Variants in CYP4Z1 observed in about 807,000 individuals in gnomAD.
The protein encoded by CYP4Z1 is cytochrome P450 family 4 subfamily Z member 1, also known as cytochrome P450 4Z1.
Under a neutral mutation model 54.2 loss-of-function variants are expected in CYP4Z1, and 41 were observed. That is an observed-to-expected ratio of 0.76 (90% confidence interval 0.59 to 0.98). CYP4Z1 has a LOEUF of 0.98. Ranked by LOEUF, CYP4Z1 falls within the 50% of genes least tolerant of loss-of-function variation. The probability of loss-of-function intolerance (pLI) is 0.00; values close to 1 mark genes in which losing one functional copy is unlikely to be tolerated. For missense variants in CYP4Z1, 513 were observed against 599.0 expected (o/e 0.86, Z 1.50); for synonymous variants, 163 against 206.2 (o/e 0.79, Z 1.79).
chr1:47,097,352 G>A (rs956969188), intron 7 of CYP4Z1, among the ~76,000 whole-genome samples: 2 of 152,138 alleles, frequency 1.3e-5, no homozygotes, highest in African/African-American at 4.8e-5. Context: ...TGGGTCAAAT[G>A]CTATTGCTTT....
chr1:47,097,808 C>G lies in CYP4Z1; in HGVS notation c.877-1286C>G, dbSNP rs147253102. On this transcript the variant is annotated intron_variant, in intron 7 of 11. Coordinates refer to ENST00000334194, the MANE Select transcript of CYP4Z1 (RefSeq NM_178134.3). ...TGTCTTGGCTATTCAGGCTCTTTTT[C>G]AGTTCCATATGATTTTTTTTTTTTT... 4.9e-3 allele frequency among the ~76,000 whole-genome samples: 715 copies of G among 145,746 alleles called. 7 individuals are homozygous for G. The highest frequency in any genetic ancestry group is 0.017 in the African/African-American group (670 of 39,172).
intron 8 of CYP4Z1, among the ~76,000 whole-genome samples, chr1:47,103,025 C>CT (rs1390481080): frequency 5.3e-5 from 8 of 151,736 alleles, no homozygotes; most frequent in Admixed American, 3.9e-4. Context: ...CTTTTTTATT[C>CT]TTTTTTTAAA....
chr1:47,085,097 G>A, intron 6 of CYP4Z1, 119 bp downstream of exon 6: 1 of 594,100 alleles, frequency 1.7e-6, no homozygotes, highest in East Asian at 2.8e-5. Flanking sequence ...ATTCAGAAAT[G>A]CTAATTTGTA....
chr1:47,109,312 G>C (rs80328485), intron 9 of CYP4Z1, among the ~76,000 whole-genome samples: 1 of 152,090 alleles, frequency 6.6e-6, no homozygotes, highest in Non-Finnish European at 1.5e-5. Flanking sequence ...GTTTTAAAAG[G>C]CAATGAGAGG....
At position 47,117,815 on chromosome 1, in the gene CYP4Z1, G is replaced by A. The variant is rs748233968; in HGVS notation, c.1399G>A (p.Ala467Thr). ...CATAATTGAGTGTAAAGTGGCAGTG[G>A]CATTAACTCTGCTCCGCTTCAAGCT... The part of the protein sequence containing the change: ...FAIIECKVAV[A>T]LTLLRFKLAP... Residue 467 changes from alanine to threonine, a missense_variant, in exon 12 of 12, where the codon GCA (alanine) becomes ACA (threonine). Physicochemically the swap from Ala to Thr is moderately conservative, Grantham distance 58. Transcript: ENST00000334194. The A allele has an allele frequency of 2.1e-5, 34 of 1,613,548 alleles. No homozygotes were observed. The highest frequency in any genetic ancestry group is 1.6e-4 in the Middle Eastern group (1 of 6,076).
At chr1:47,115,686 G>A (rs1213001700) in intron 10 of CYP4Z1, 93 bp downstream of exon 10, 12 of 1,210,682 alleles carry the variant, frequency 9.9e-6, no homozygotes, top group African/African-American at 4.6e-5. Flanking sequence ...TTAGGATAAC[G>A]ATCTGTCATT....
At chr1:47,086,264 GCCACACTGTCTT>G (rs1490411710) in intron 6 of CYP4Z1, among the ~76,000 whole-genome samples, 1 of 151,898 alleles carries the variant, frequency 6.6e-6, no homozygotes, top group African/African-American at 2.4e-5. Context: ...TTGAGGAATC[GCCACACTGTCTT>G]CCACAATGGA....
At position 47,115,514 on chromosome 1, in the gene CYP4Z1, C is replaced by A. The variant is rs1426166599; in HGVS notation, c.1202-15C>A. 1 of 1,607,468 alleles carries A rather than the reference C, an allele frequency of 6.2e-7. No homozygotes were observed. Among genetic ancestry groups the A allele is most frequent in the East Asian group, 2.2e-5 (1 of 44,718 alleles). On this transcript the variant is annotated splice_polypyrimidine_tract_variant and intron_variant, in intron 9 of 11. Coordinates refer to ENST00000334194, the MANE Select transcript of CYP4Z1 (RefSeq NM_178134.3). The stretch of plus-strand genomic sequence containing the variant: ...TCGCTCATGCACTTACCTGCTTTTT[C>A]TTCTGTTTACTCAGGAATAACTGTG...
chr1:47,059,748 A>C, the CYP4Z1 span, among the ~76,000 whole-genome samples: 3 of 152,214 alleles, frequency 2.0e-5, no homozygotes, highest in Non-Finnish European at 4.4e-5. Context: ...TTAGGTAGCA[A>C]AGAAGGCTGG....
At position 47,108,014 on chromosome 1, in the gene CYP4Z1, T is replaced by C. The variant is rs1299082580; in HGVS notation, c.1201+1753T>C. ...CTGGTCTCCTGCAGTCTCTGCCCTT[T>C]CCTCCAAGTGCCTTCAAGGGCTGCA... On this transcript the variant is annotated intron_variant, in intron 9 of 11. Transcript: ENST00000334194. Among the ~76,000 whole-genome samples the C allele has an allele frequency of 7.2e-5, 11 of 152,324 alleles. No individual in the cohort carries two copies. The East Asian group carries it at 2.1e-3, about 29-fold the overall frequency.
chr1:47,107,563 C>A (rs1343695801), intron 9 of CYP4Z1, among the ~76,000 whole-genome samples: 2 of 152,164 alleles, frequency 1.3e-5, no homozygotes, highest in East Asian at 3.8e-4. Context: ...CAAAACAGCT[C>A]AGAGTCAACT....
the CYP4Z1 span, among the ~76,000 whole-genome samples, chr1:47,060,974 A>G: frequency 6.6e-6 from 1 of 152,210 alleles, no homozygotes; most frequent in Non-Finnish European, 1.5e-5. Flanking sequence ...CAATGAAGTT[A>G]AGGAAGAAAT....
chr1:47,098,154 G>A (rs2148536162), intron 7 of CYP4Z1, among the ~76,000 whole-genome samples: 1 of 152,288 alleles, frequency 6.6e-6, no homozygotes, highest in Non-Finnish European at 1.5e-5. Flanking sequence ...ATTCTATGAA[G>A]AATCTCAATA....
chr1:47,115,688 T>C, intron 10 of CYP4Z1, 95 bp downstream of exon 10: 1 of 1,205,604 alleles, frequency 8.3e-7, no homozygotes, highest in East Asian at 2.4e-5. Context: ...AGGATAACGA[T>C]CTGTCATTTA....
chr1:47,058,444 G>A, the CYP4Z1 span, among the ~76,000 whole-genome samples: 1 of 152,056 alleles, frequency 6.6e-6, no homozygotes, highest in Non-Finnish European at 1.5e-5. Context: ...ACCTCACTTT[G>A]TGAGTGTTTT....
chr1:47,098,015 C>G (rs1644690944), intron 7 of CYP4Z1, among the ~76,000 whole-genome samples: 1 of 151,978 alleles, frequency 6.6e-6, no homozygotes, highest in South Asian at 2.1e-4. Context: ...GGGGGTTTCA[C>G]CATGTTGGCC....
chr1:47,105,001 T>G (rs1411987739), intron 8 of CYP4Z1, among the ~76,000 whole-genome samples: 1 of 152,092 alleles, frequency 6.6e-6, no homozygotes, highest in East Asian at 1.9e-4. Context: ...AGGGAGGCGC[T>G]GCTTTCATTT....
intron 8 of CYP4Z1, among the ~76,000 whole-genome samples, chr1:47,105,585 C>T (rs1046535738): frequency 2.0e-5 from 3 of 152,194 alleles, no homozygotes; most frequent in Non-Finnish European, 2.9e-5. Context: ...ACTTCCCTCT[C>T]CTTCCTTGCT....
chr1:47,058,034 T>A, the CYP4Z1 span, among the ~76,000 whole-genome samples: 10 of 152,092 alleles, frequency 6.6e-5, no homozygotes, highest in Non-Finnish European at 1.2e-4. Context: ...AAATTCTTTT[T>A]TAAAAAAACT....
Sources: allele counts gnomAD v4.1 joint callset (sites outside exome capture counted in the v4.1 genomes callset), GRCh38; gene constraint gnomAD v4.1.1; transcripts MANE v1.5; gene names NCBI Gene and HGNC (gene_info 2026-07-23, HGNC 2026-07-21).